MMP26: variants seen among roughly 807,000 people sequenced by gnomAD.
The protein encoded by MMP26 is matrix metalloproteinase-26.
Under a neutral mutation model 31.0 loss-of-function variants are expected in MMP26, and 33 were observed. That is an observed-to-expected ratio of 1.06 (90% CI 0.81 to 1.42). MMP26 has a LOEUF of 1.42. Among genes scored for constraint, MMP26 ranks in the 40% most tolerant of loss-of-function variants. The pLI, the probability that MMP26 is intolerant of heterozygous loss-of-function variation, is 0.00. For synonymous variants in MMP26, 122 were observed against 114.9 expected (o/e 1.06, Z -0.40); for missense variants, 347 against 316.1 (o/e 1.10, Z -0.74).
chr11:4,895,523 A>G (rs916019004), intron 2 of MMP26, among the ~76,000 whole-genome samples: 2 of 152,172 alleles, frequency 1.3e-5, no homozygotes, highest in African/African-American at 4.8e-5. Flanking sequence ...AAGAGTTCTG[A>G]GTCTACCCAG....
At chr11:4,721,682 C>T (rs1476769229) in intron 1 of MMP26, among the ~76,000 whole-genome samples, 2 of 152,144 alleles carry the variant, frequency 1.3e-5, no homozygotes, top group Non-Finnish European at 2.9e-5. Flanking sequence ...ATTATTTTCA[C>T]TGTCATCTTA....
intron 2 of MMP26, among the ~76,000 whole-genome samples, chr11:4,921,884 G>A (rs1422461493): frequency 6.6e-6 from 1 of 152,134 alleles, no homozygotes; most frequent in East Asian, 1.9e-4. Flanking sequence ...GGGTACAAGT[G>A]CAGTGTTGTT....
chr11:4,726,745 G>A lies in MMP26; in HGVS notation c.-217+21700G>A, dbSNP rs1848105788. 3.3e-5 allele frequency among the ~76,000 whole-genome samples: 5 copies of A among 151,912 alleles called. No individual in the cohort carries two copies. In the South Asian group the frequency reaches 8.3e-4, roughly 25 times the overall value. On this transcript the variant is annotated intron_variant, in intron 1 of 7. Coordinates refer to ENST00000380390, the MANE Select transcript of MMP26 (RefSeq NM_021801.5). ...TTTTTGGCCCAGGGTGGTGCTTCAC[G>A]CTTGTAATCCCAGCACTTTGGGAGG...
Position 4,989,674 on chromosome 11 carries a change from C to T in MMP26, c.126C>T (p.Thr42=). 2 of 1,613,022 alleles carry T rather than the reference C, an allele frequency of 1.2e-6. No individual in the cohort carries two copies. The highest frequency in any genetic ancestry group is 1.7e-6 in the Non-Finnish European group (2 of 1,179,890). Residue 42 remains threonine, a synonymous_variant, in exon 4 of 8, where the codon ACC becomes ACT. Transcript: ENST00000380390. ...VEGYFHQFFL[T]KKESPLLTQE... ...GCTATTTCCATCAATTTTTCCTGAC[C>T]AAGAAGGAGTCGCCACTCCTTACCC...
intron 2 of MMP26, among the ~76,000 whole-genome samples, chr11:4,771,635 TA>T (rs1234523798): frequency 2.0e-5 from 3 of 152,218 alleles, no homozygotes; most frequent in Admixed American, 6.5e-5. Flanking sequence ...AGTATAATGT[TA>T]GTATTTTTCA....
rs1849952546 is a variant in MMP26, at chr11:4,849,999, G to A, written c.-145+82658G>A. On this transcript the variant is annotated intron_variant, in intron 2 of 7. Coordinates refer to ENST00000380390, the MANE Select transcript of MMP26 (RefSeq NM_021801.5). Reference sequence around the variant, plus strand: ...ATTTTTATATGTTGGAACATTTCAAGTTCTGTCTACTAGCTATTTTGAAAT... The same window carrying A: ...ATTTTTATATGTTGGAACATTTCAAATTCTGTCTACTAGCTATTTTGAAAT... Among the ~76,000 whole-genome samples the A allele has an allele frequency of 2.6e-5, 4 of 152,132 alleles. No homozygotes were observed. In the South Asian group the frequency reaches 8.3e-4, roughly 31 times the overall value.
chr11:4,783,622 G>A (rs1200010617), intron 2 of MMP26, among the ~76,000 whole-genome samples: 3 of 152,268 alleles, frequency 2.0e-5, no homozygotes, highest in African/African-American at 4.8e-5. Flanking sequence ...AGATTTAGGA[G>A]GGGCCAGGGG....
At chr11:4,804,242 T>G (rs975274748) in intron 2 of MMP26, 3 of 1,612,924 alleles carry the variant, frequency 1.9e-6, no homozygotes, top group Non-Finnish European at 2.5e-6. Context: ...TGGAGGAGAG[T>G]GATATTTCCA....
intron 2 of MMP26, chr11:4,946,891 C>T: frequency 6.2e-7 from 1 of 1,606,528 alleles, no homozygotes; most frequent in Non-Finnish European, 8.5e-7. Context: ...CCAAGTCTGA[C>T]ATAGCCAACA....
chr11:4,889,081 C>T (rs1196850944), intron 2 of MMP26, among the ~76,000 whole-genome samples: 2 of 152,130 alleles, frequency 1.3e-5, no homozygotes, highest in South Asian at 4.1e-4. Flanking sequence ...GTCACATACA[C>T]ACTTATCAAC....
At chr11:4,870,803 G>T (rs894842147) in intron 2 of MMP26, among the ~76,000 whole-genome samples, 1 of 152,106 alleles carries the variant, frequency 6.6e-6, no homozygotes, top group African/African-American at 2.4e-5. Flanking sequence ...TATTACAGTG[G>T]AGTTATCAAG....
chr11:4,915,520 G>A, intron 2 of MMP26: 2 of 1,614,010 alleles, frequency 1.2e-6, no homozygotes, highest in East Asian at 2.2e-5. Flanking sequence ...AAAGAATTGT[G>A]CAGTTGCCCG....
At chr11:4,820,976 C>A (rs1380566287) in intron 2 of MMP26, among the ~76,000 whole-genome samples, 2 of 151,940 alleles carry the variant, frequency 1.3e-5, no homozygotes, top group African/African-American at 4.8e-5. Flanking sequence ...GGATATTTTC[C>A]AAGGAAATAT....
intron 2 of MMP26, among the ~76,000 whole-genome samples, chr11:4,811,453 G>T (rs1209193538): frequency 2.0e-5 from 3 of 152,138 alleles, no homozygotes; most frequent in Non-Finnish European, 4.4e-5. Context: ...AGAACATGTG[G>T]TATTTGGTTT....
intron 1 of MMP26, chr11:4,724,239 C>A: frequency 2.3e-6 from 1 of 428,240 alleles, no homozygotes; most frequent in South Asian, 4.0e-5. Flanking sequence ...TGATCTAGGT[C>A]TTATTACCAT....
intron 2 of MMP26, among the ~76,000 whole-genome samples, chr11:4,849,958 G>A (rs1242754683): frequency 2.6e-5 from 4 of 152,040 alleles, no homozygotes; most frequent in Non-Finnish European, 5.9e-5. Context: ...GACATCCATC[G>A]CCTTGAGTAA....
At chr11:4,934,244 T>C (rs1052296506) in intron 2 of MMP26, among the ~76,000 whole-genome samples, 2 of 150,686 alleles carry the variant, frequency 1.3e-5, no homozygotes, top group African/African-American at 4.9e-5. Flanking sequence ...TGTTGTTTCC[T>C]GACTCTTTAA....
intron 2 of MMP26, among the ~76,000 whole-genome samples, chr11:4,921,995 C>T (rs1026786761): frequency 2.3e-4 from 35 of 152,236 alleles, no homozygotes; most frequent in African/African-American, 7.9e-4. Context: ...TGCCTTACTG[C>T]CCTCCCATTC....
At position 4,882,734 on chromosome 11, in the gene MMP26, G is replaced by A. The variant is rs965473942; in HGVS notation, c.-144-105334G>A. The stretch of plus-strand genomic sequence containing the variant: ...CCCAAGGGTGCTCTGTAGCACTTTG[G>A]CCAATATTTATCTGCTCTTACCACC... On this transcript the variant is annotated intron_variant, in intron 2 of 7. Coordinates refer to ENST00000380390, the MANE Select transcript of MMP26 (RefSeq NM_021801.5). 6 of 1,613,724 alleles carry A rather than the reference G, an allele frequency of 3.7e-6. No individual in the cohort carries two copies. The African/African-American group carries it at 6.7e-5, about 18-fold the overall frequency.
Sources: gnomAD v4.1 joint callset for allele counts (sites outside exome capture counted in the v4.1 genomes callset) on GRCh38, gnomAD v4.1.1 for gene constraint, MANE v1.5 for transcripts, NCBI Gene and HGNC (gene_info 2026-07-23, HGNC 2026-07-21) for gene names.